MAPKBP1: variants seen among roughly 807,000 people sequenced by gnomAD.
MAPKBP1 encodes mitogen-activated protein kinase-binding protein 1.
MAPKBP1 carries 71 observed loss-of-function variants against 170.5 expected under a neutral mutation model. The observed-to-expected ratio is 0.42, with a 90% CI of 0.34 to 0.51. MAPKBP1 has a LOEUF of 0.51. MAPKBP1 is among the 20% of genes least tolerant of loss of function. MAPKBP1 has a pLI of 0.06. For synonymous variants in MAPKBP1, 719 were observed against 757.9 expected (o/e 0.95, Z 0.84); for missense variants, 1,598 against 1,933.0 (o/e 0.83, Z 3.25).
At chr15:41,815,205 G>A (rs2064869177) in intron 10 of MAPKBP1, 54 bp from the exon 11 acceptor site, 7 of 1,605,204 alleles carry the variant, frequency 4.4e-6, no homozygotes, top group Non-Finnish European at 6.0e-6. Flanking sequence ...TCCTTGGGTA[G>A]GCAGAGGACT....
chr15:41,806,653 C>CA (rs2064700987), intron 3 of MAPKBP1, among the ~76,000 whole-genome samples: 1 of 152,198 alleles, frequency 6.6e-6, no homozygotes, highest in Admixed American at 6.5e-5. Context: ...TGAGAGTGAG[C>CA]AGCCGCCCTG....
intron 2 of MAPKBP1, among the ~76,000 whole-genome samples, chr15:41,790,658 A>T (rs2064380015): frequency 6.6e-6 from 1 of 152,124 alleles, no homozygotes. Flanking sequence ...TGTTTGTCAC[A>T]TTGGAAGTTA....
chr15:41,811,008 TAG>T, intron 4 of MAPKBP1, 63 bp downstream of exon 4: 2 of 1,593,020 alleles, frequency 1.3e-6, no homozygotes, highest in Non-Finnish European at 1.7e-6. Context: ...GGGCACTGTC[TAG>T]AGTCTCTATG....
chr15:41,801,555 T>C (rs2064594027), intron 3 of MAPKBP1, among the ~76,000 whole-genome samples: 1 of 152,074 alleles, frequency 6.6e-6, no homozygotes, highest in African/African-American at 2.4e-5. Flanking sequence ...TCAAAAAAGC[T>C]TCCTTTATCA....
intron 2 of MAPKBP1, among the ~76,000 whole-genome samples, chr15:41,799,555 G>C (rs1023867586): frequency 2.6e-5 from 4 of 152,186 alleles, no homozygotes; most frequent in Admixed American, 6.5e-5. Flanking sequence ...GTGGCCATGA[G>C]TTATGCTTTA....
chr15:41,813,768 G>A lies in MAPKBP1; in HGVS notation c.967G>A (p.Val323Ile), dbSNP rs374717785. Residue 323 changes from valine to isoleucine, a missense_variant, in exon 9 of 31, where the codon GTC becomes ATC. Coordinates refer to ENST00000457542, the MANE Select transcript of MAPKBP1 (RefSeq NM_014994.3). ...PHALGTDIAS[V>I]TEASRLFSGV... Reference sequence around the variant, plus strand: ...TGCTCTGGGGACAGACATTGCTAGCGTCACCGAGGCCAGGTGAGCTATGTG... The same window carrying A: ...TGCTCTGGGGACAGACATTGCTAGCATCACCGAGGCCAGGTGAGCTATGTG... 174 of 1,599,272 alleles carry A rather than the reference G, an allele frequency of 1.1e-4. No individual in the cohort carries two copies. The highest frequency in any genetic ancestry group is 7.8e-4 in the African/African-American group (58 of 74,248).
rs186522149 is a variant in MAPKBP1, at chr15:41,800,393, G to C, written c.206+479G>C. 4.3e-3 allele frequency among the ~76,000 whole-genome samples: 650 copies of C among 151,944 alleles called. 3 individuals are homozygous for C. Among genetic ancestry groups the C allele is most frequent in the Middle Eastern group, 0.017 (5 of 294 alleles). ...GGTTCTGGCTCTGTTGCCTAGGCTGGAGTGCAGTGGCTCGATGTTGGCTCA... is the reference window on the plus strand; with the variant it reads ...GGTTCTGGCTCTGTTGCCTAGGCTGCAGTGCAGTGGCTCGATGTTGGCTCA... On this transcript the variant is annotated intron_variant, in intron 3 of 30. Transcript: ENST00000457542.
In MAPKBP1 at chr15:41,786,777, A is replaced by AAAATATATATATAT; in HGVS notation, c.114+11389_114+11390insAATATATATATATA. 1.9e-3 allele frequency among the ~76,000 whole-genome samples: 63 copies of AAAATATATATATAT among 32,398 alleles called. 2 individuals carry two copies. Among genetic ancestry groups the AAAATATATATATAT allele is most frequent in the African/African-American group, 3.7e-3 (28 of 7,628 alleles). The allele number at this position is 32,398 out of a possible 152,430, so 21.3% of individuals were successfully genotyped here. A position where few individuals can be genotyped will look rare whatever the true frequency, so the allele number is the denominator to read the frequency against. Reference sequence around the variant, plus strand: ...CAGACTCCGTCTAAAAAAAAAAAAAAATATATATATATATATATATATATA... The same window carrying AAAATATATATATAT: ...CAGACTCCGTCTAAAAAAAAAAAAAAAAATATATATATATATATATATATATATATATATATATA... On this transcript the variant is annotated intron_variant, in intron 2 of 30. Coordinates refer to ENST00000457542, the MANE Select transcript of MAPKBP1 (RefSeq NM_014994.3).
At position 41,813,155 on chromosome 15, in the gene MAPKBP1, G is replaced by A. The variant is rs904885703; in HGVS notation, c.819+54G>A. The A allele has an allele frequency of 1.7e-5, 27 of 1,561,636 alleles. No individual in the cohort carries two copies. In the African/African-American group the frequency reaches 3.5e-4, roughly 20 times the overall value. The stretch of plus-strand genomic sequence containing the variant: ...TCTGCTCATGTCTCAGCTCAGGGGA[G>A]AACTAGTGCCCAGGGCTTCAGACTA... On this transcript the variant is annotated intron_variant, in intron 8 of 30. Transcript: ENST00000457542.
intron 2 of MAPKBP1, 130 bp from the exon 3 acceptor site, chr15:41,799,693 A>G: frequency 1.5e-6 from 1 of 668,164 alleles, no homozygotes; most frequent in Non-Finnish European, 2.6e-6. Flanking sequence ...CAGAAGTCAT[A>G]GCTCCATTCT....
intron 3 of MAPKBP1, among the ~76,000 whole-genome samples, chr15:41,801,678 T>G (rs1033365272): frequency 6.6e-6 from 1 of 152,082 alleles, no homozygotes. Context: ...TGAAACCCTG[T>G]CTCTACTAAA....
rs1292625081 is a variant in MAPKBP1, at chr15:41,825,197, G to T, written c.4300-12G>T. The T allele has an allele frequency of 2.5e-6, 4 of 1,571,880 alleles. No individual in the cohort carries two copies. Among genetic ancestry groups the T allele is most frequent in the East Asian group, 2.3e-5 (1 of 43,904 alleles). On this transcript the variant is annotated splice_polypyrimidine_tract_variant and intron_variant, in intron 30 of 30. Transcript: ENST00000457542. ...AGGCTCCTCCACCTCACTTCTGGGG[G>T]TGCTATTTCAGGTGGCTGGCTGCAA...
Position 41,823,088 on chromosome 15 carries a change from A to C in MAPKBP1, c.3464A>C (p.Gln1155Pro). 1.2e-6 allele frequency: 2 copies of C among 1,613,902 alleles called. No individual in the cohort carries two copies. The highest frequency in any genetic ancestry group is 1.1e-5 in the South Asian group (1 of 91,090). ...VEPSSGNPSPQQAASVLLPRC... is the reference protein window; with the variant it reads ...VEPSSGNPSPPQAASVLLPRC... ...CCGTCCTCTGGCAACCCCAGCCCCC[A>C]GCAGGCAGCCTCTGTGCTGTTGCCA... Residue 1155 changes from glutamine to proline, a missense_variant, in exon 28 of 31, where the codon CAG becomes CCG. Physicochemically the swap from Gln to Pro is moderately conservative, Grantham distance 76 (BLOSUM62 -1). Coordinates refer to ENST00000457542, the MANE Select transcript of MAPKBP1 (RefSeq NM_014994.3).
intron 22 of MAPKBP1, among the ~76,000 whole-genome samples, chr15:41,819,902 C>A (rs1332645947): frequency 1.3e-5 from 2 of 152,096 alleles, no homozygotes; most frequent in Admixed American, 1.3e-4. Context: ...TTAGTCAGCA[C>A]TGGGGAGGTG....
Position 41,815,875 on chromosome 15 carries a change from T to G in MAPKBP1, c.1493+76T>G, listed in dbSNP as rs902765012. The G allele has an allele frequency of 5.4e-6, 8 of 1,480,816 alleles. No individual in the cohort carries two copies. The African/African-American group carries it at 1.1e-4, about 21-fold the overall frequency. 91.7% of individuals were successfully genotyped at this position (1,480,816 alleles called of 1,614,324 possible). ...GGGTATTTAGAACTTTAGGGAGGGTTTGGCTCAAAAAGATTGGGCAACAAG... is the reference window on the plus strand; with the variant it reads ...GGGTATTTAGAACTTTAGGGAGGGTGTGGCTCAAAAAGATTGGGCAACAAG... On this transcript the variant is annotated intron_variant, in intron 12 of 30. Transcript: ENST00000457542.
Position 41,822,629 on chromosome 15 carries a change from G to C in MAPKBP1, c.3266G>C (p.Arg1089Pro), listed in dbSNP as rs1166211001. Residue 1089 changes from arginine to proline, a missense_variant, in exon 27 of 31, where the codon CGG (arginine) becomes CCG (proline). Arg to Pro is a moderately radical substitution (Grantham distance 103, BLOSUM62 -2). This residue lies in a region of MAPKBP1 where 942 missense variants were observed against 953.2 expected (regional missense o/e 0.99). Transcript: ENST00000457542. ...CAGGTCCCAGAGAGGTCAGAGTCTC[G>C]GAGTATCTCTTCACGATTCCTGTTG... ...PVQVPERSES[R>P]SISSRFLLQV... is the part of the protein sequence containing the mutation. 6.2e-7 allele frequency: 1 copy of C among 1,613,998 alleles called. No individual in the cohort carries two copies. Among genetic ancestry groups the C allele is most frequent in the Non-Finnish European group, 8.5e-7 (1 of 1,179,968 alleles).
intron 9 of MAPKBP1, among the ~76,000 whole-genome samples, chr15:41,814,275 T>C (rs1263304739): frequency 6.6e-6 from 1 of 152,138 alleles, no homozygotes; most frequent in Non-Finnish European, 1.5e-5. Context: ...CACAGAGTAG[T>C]CTTGTTTTTG....
At chr15:41,794,902 T>TG (rs2064460238) in intron 2 of MAPKBP1, among the ~76,000 whole-genome samples, 2 of 152,022 alleles carry the variant, frequency 1.3e-5, no homozygotes, top group Non-Finnish European at 2.9e-5. Flanking sequence ...TGATGGCTCA[T>TG]GCCTGTGATC....
At chr15:41,814,489 G>A in intron 9 of MAPKBP1, 61 bp from the exon 10 acceptor site, 1 of 1,525,608 alleles carries the variant, frequency 6.6e-7, no homozygotes, top group South Asian at 1.2e-5. Flanking sequence ...CTTCCATTGT[G>A]GATTGGCTTC....
Sources: allele counts gnomAD v4.1 joint callset (sites outside exome capture counted in the v4.1 genomes callset), GRCh38; gene constraint gnomAD v4.1.1; regional missense constraint gnomAD v4.1.1; transcripts MANE v1.5; gene names NCBI Gene and HGNC (gene_info 2026-07-23, HGNC 2026-07-21).